CYP4F12: variants seen among roughly 807,000 people sequenced by gnomAD.
CYP4F12 encodes cytochrome P450 family 4 subfamily F member 12.
CYP4F12 carries 60 observed loss-of-function variants against 56.5 expected under a neutral mutation model. The observed-to-expected ratio is 1.06, with a 90% confidence interval of 0.86 to 1.32. The LOEUF is 1.32. CYP4F12 is among the 40% of genes most tolerant of loss of function. The pLI is 0.00. For synonymous variants in CYP4F12, 263 were observed against 264.9 expected (o/e 0.99, Z 0.07); for missense variants, 711 against 683.5 (o/e 1.04, Z -0.45).
In CYP4F12 at chr19:15,696,943, T is replaced by C. The variant is rs1218252133; in HGVS notation, c.1433T>C (p.Met478Thr). The C allele has an allele frequency of 1.9e-6, 3 of 1,614,012 alleles. No individual in the cohort carries two copies. The highest frequency in any genetic ancestry group is 2.5e-6 in the Non-Finnish European group (3 of 1,179,918). ...GGGCAGGCGTTCGCCATGGCGGAGA[T>C]GAAAGTGGTCCTGGCGTTGATGCTG... is the stretch of plus-strand genomic sequence containing the variant. ...CIGQAFAMAE[M>T]KVVLALMLLH... Residue 478 changes from methionine (M) to threonine (T), a missense_variant, in exon 13 of 13, where the codon ATG becomes ACG. Coordinates refer to ENST00000550308, the MANE Select transcript of CYP4F12 (RefSeq NM_023944.4).
intron 9 of CYP4F12, among the ~76,000 whole-genome samples, chr19:15,689,125 C>T (rs904957063): frequency 1.0e-5 from 1 of 99,118 alleles, no homozygotes; most frequent in Non-Finnish European, 2.2e-5. Context: ...TTCTGCACAA[C>T]AAAATAATAA....
At chr19:15,674,650 C>CT (rs2006822011) in intron 2 of CYP4F12, among the ~76,000 whole-genome samples, 1 of 99,646 alleles carries the variant, frequency 1.0e-5, no homozygotes, top group African/African-American at 4.3e-5. Flanking sequence ...TTTTGCTCTC[C>CT]CCACTCACTC....
In CYP4F12 at chr19:15,673,144, C is replaced by T. The variant is rs1178585699; in HGVS notation, c.-2+9C>T. ...GCTGCTCCCGACAGAAGGTACCAGG[C>T]TGGGGGTGGCAGGGCTGGAAGGTCC... On this transcript the variant is annotated intron_variant, in intron 1 of 12. Transcript: ENST00000550308. 6.6e-6 allele frequency: 3 copies of T among 456,346 alleles called. No homozygotes were observed. The highest frequency in any genetic ancestry group is 3.2e-5 in the South Asian group (2 of 62,540). The allele number at this position is 456,346 out of a possible 1,614,324, so 28.3% of individuals were successfully genotyped here. A position where few individuals can be genotyped will look rare whatever the true frequency, so the allele number is the denominator to read the frequency against.
chr19:15,695,459 T>G (rs1033845065), intron 9 of CYP4F12, among the ~76,000 whole-genome samples: 4 of 151,234 alleles, frequency 2.6e-5, no homozygotes, highest in African/African-American at 9.7e-5. Flanking sequence ...CATATGTAAC[T>G]AACCTGCACA....
At chr19:15,673,821 G>C (rs2006748159) in intron 2 of CYP4F12, 94 bp downstream of exon 2, 4 of 1,417,960 alleles carry the variant, frequency 2.8e-6, no homozygotes, top group Non-Finnish European at 2.9e-6. Context: ...ATTGATGGTG[G>C]CTGGGGTCTG....
rs1162268757 is a variant in CYP4F12 at position 15,678,274 on chromosome 19, A to T, written c.212A>T (p.Glu71Val). ...WGHLGLITPT[E>V]EGLKNSTQMS... ...ACTTGCTTTCAGATCACTCCTACAG[A>T]GGAGGGCTTGAAGAACTCGACCCAG... The change falls in exon 3 of 13, where the codon GAG (glutamate) becomes GTG (valine). Residue 71 changes from glutamate (E) to valine (V), a missense_variant. Glu to Val is a moderately radical substitution (Grantham distance 121). Transcript: ENST00000550308. The T allele has an allele frequency of 2.5e-6, 4 of 1,614,078 alleles. No individual in the cohort carries two copies. The highest frequency in any genetic ancestry group is 3.4e-6 in the Non-Finnish European group (4 of 1,180,042).
intron 3 of CYP4F12, among the ~76,000 whole-genome samples, chr19:15,679,900 T>C (rs370193357): frequency 7.9e-5 from 12 of 152,324 alleles, no homozygotes; most frequent in East Asian, 7.7e-4. Flanking sequence ...TGTCAGGAGA[T>C]GACAGAGAGT....
chr19:15,696,564 A>T, intron 12 of CYP4F12, 52 bp downstream of exon 12: 1 of 1,552,264 alleles, frequency 6.4e-7, no homozygotes, highest in Non-Finnish European at 8.7e-7. Flanking sequence ...TGCGGGAGTT[A>T]AAAAAAGGGG....
chr19:15,681,924 A>G lies in CYP4F12; in HGVS notation c.526-465A>G, dbSNP rs138937833. 1,356 of 154,088 alleles carry G rather than the reference A, an allele frequency of 8.8e-3. 15 individuals are homozygous for G. Among genetic ancestry groups the G allele is most frequent in the African/African-American group, 0.031 (1,288 of 41,588 alleles). The allele number at this position is 154,088 out of a possible 1,614,324, so 9.5% of individuals were successfully genotyped here. A position where few individuals can be genotyped will look rare whatever the true frequency, so the allele number is the denominator to read the frequency against. On this transcript the variant is annotated intron_variant, in intron 5 of 12. Transcript: ENST00000550308. ...ATATAAGTTGTCTAAGTTAATTTTA[A>G]TAATCCTGTGAGGTTATGGTTATTT...
In CYP4F12 at chr19:15,696,987, C is replaced by T; in HGVS notation, c.1477C>T (p.Pro493Ser). 6.2e-7 allele frequency: 1 copy of T among 1,614,236 alleles called. No individual in the cohort carries two copies. The highest frequency in any genetic ancestry group is 8.5e-7 in the Non-Finnish European group (1 of 1,180,034). ...ALMLLHFRFLPDHTEPRRKLE... is the reference protein window; with the variant it reads ...ALMLLHFRFLSDHTEPRRKLE... ...GATGCTGCTGCACTTCCGGTTCCTG[C>T]CAGACCACACTGAGCCCCGCAGGAA... The change falls in exon 13 of 13, where the codon CCA becomes TCA. Residue 493 changes from proline (P) to serine (S), a missense_variant. By Grantham distance (74) the Pro-to-Ser change is moderately conservative. Coordinates refer to ENST00000550308, the MANE Select transcript of CYP4F12 (RefSeq NM_023944.4).
At chr19:15,696,382 C>G (rs779193655) in intron 11 of CYP4F12, 48 bp from the exon 12 acceptor site, 3 of 1,613,108 alleles carry the variant, frequency 1.9e-6, no homozygotes, top group Non-Finnish European at 2.5e-6. Context: ...TCCAAGGCTG[C>G]TGGACATAGG....
chr19:15,678,161 CAAT>C, intron 2 of CYP4F12, 97 bp from the exon 3 acceptor site: 1 of 1,451,370 alleles, frequency 6.9e-7, no homozygotes, highest in Non-Finnish European at 9.6e-7. Flanking sequence ...ACACACACAG[CAAT>C]AATGTTTGAC....
intron 3 of CYP4F12, 60 bp downstream of exon 3, chr19:15,678,465 G>A: frequency 1.3e-6 from 2 of 1,599,882 alleles, no homozygotes; most frequent in Non-Finnish European, 1.7e-6. Context: ...GGTCTCTGCA[G>A]TACCCACGTC....
intron 11 of CYP4F12, 65 bp from the exon 12 acceptor site, chr19:15,696,365 G>A: frequency 1.2e-6 from 2 of 1,611,438 alleles, no homozygotes; most frequent in South Asian, 1.1e-5. Context: ...ACACACACAA[G>A]TGTCTCTCCA....
At chr19:15,680,129 C>T in intron 3 of CYP4F12, 115 bp from the exon 4 acceptor site, 1 of 1,401,196 alleles carries the variant, frequency 7.1e-7, no homozygotes, top group Non-Finnish European at 9.7e-7. Flanking sequence ...CCCTTGGCCC[C>T]CTTCCTGCTA....
At chr19:15,679,713 CAG>C (rs1416167707) in intron 3 of CYP4F12, among the ~76,000 whole-genome samples, 4 of 152,168 alleles carry the variant, frequency 2.6e-5, no homozygotes, top group Non-Finnish European at 5.9e-5. Flanking sequence ...TTGGAATTGT[CAG>C]AGTTATTATT....
chr19:15,682,951 G>A (rs781180199), intron 6 of CYP4F12, among the ~76,000 whole-genome samples: 1 of 152,140 alleles, frequency 6.6e-6, no homozygotes, highest in Non-Finnish European at 1.5e-5. Flanking sequence ...TGTCCAGGCT[G>A]GTCTCAAATT....
At position 15,683,778 on chromosome 19, in the gene CYP4F12, G is replaced by T; in HGVS notation, c.918+15G>T. 2.0e-6 allele frequency: 3 copies of T among 1,520,496 alleles called. No homozygotes were observed. The highest frequency in any genetic ancestry group is 2.6e-6 in the Non-Finnish European group (3 of 1,136,466). 94.2% of individuals were successfully genotyped at this position (1,520,496 alleles called of 1,614,324 possible). A position where few individuals can be genotyped will look rare whatever the true frequency, so the allele number is the denominator to read the frequency against. ...TGCTGAGCAAGGTAGGTTTCTCTATGATCTGAATTTAGGTGAGAGAATAGA... is the reference window on the plus strand; with the variant it reads ...TGCTGAGCAAGGTAGGTTTCTCTATTATCTGAATTTAGGTGAGAGAATAGA... On this transcript the variant is annotated intron_variant, in intron 7 of 12. Coordinates refer to ENST00000550308, the MANE Select transcript of CYP4F12 (RefSeq NM_023944.4).
chr19:15,691,254 T>C (rs1255805562), intron 9 of CYP4F12, among the ~76,000 whole-genome samples: 1 of 152,258 alleles, frequency 6.6e-6, no homozygotes, highest in East Asian at 1.9e-4. Flanking sequence ...CCCATCCATG[T>C]ATATTTGGCT....
Sources: gnomAD v4.1 joint callset for allele counts (sites outside exome capture counted in the v4.1 genomes callset) on GRCh38, gnomAD v4.1.1 for gene constraint, MANE v1.5 for transcripts, NCBI Gene and HGNC (gene_info 2026-07-23, HGNC 2026-07-21) for gene names.